Variants in SETBP1 observed in about 807,000 individuals in gnomAD.
SETBP1 encodes the protein SET binding protein 1, also known as SET-binding protein.
A neutral mutation model predicts 101.0 loss-of-function variants in SETBP1; 9 were observed. That is an observed-to-expected ratio of 0.09 (90% CI 0.05 to 0.16). The LOEUF is 0.16. Among genes scored for constraint, SETBP1 ranks in the 10% least tolerant of loss-of-function variants. The probability of loss-of-function intolerance (pLI) is 1.00; values close to 1 mark genes in which losing one functional copy is unlikely to be tolerated. For missense variants in SETBP1, 1,858 were observed against 2,033.8 expected (o/e 0.91, Z 1.66); for synonymous variants, 818 against 788.5 (o/e 1.04, Z -0.63).
intron 2 of SETBP1, among the ~76,000 whole-genome samples, chr18:44,829,319 G>A (rs1234069940): frequency 1.3e-5 from 2 of 152,140 alleles, no homozygotes; most frequent in African/African-American, 2.4e-5. Context: ...TTGCATTGAC[G>A]CCTGTGAATA....
At chr18:44,853,319 A>G (rs555461446) in intron 2 of SETBP1, among the ~76,000 whole-genome samples, 1 of 152,236 alleles carries the variant, frequency 6.6e-6, no homozygotes, top group South Asian at 2.1e-4. Flanking sequence ...AACACCAACA[A>G]TTTCATCTGT....
At chr18:44,764,189 C>A (rs865873581) in intron 2 of SETBP1, among the ~76,000 whole-genome samples, 8 of 152,344 alleles carry the variant, frequency 5.3e-5, no homozygotes, top group South Asian at 2.1e-4. Flanking sequence ...AGCTGTTGGC[C>A]TTGTTTCACT....
At chr18:45,045,769 T>C (rs2073599728) in intron 5 of SETBP1, among the ~76,000 whole-genome samples, 1 of 152,094 alleles carries the variant, frequency 6.6e-6, no homozygotes, top group Admixed American at 6.5e-5. Context: ...TGGTGAATAA[T>C]AATGGAGATA....
chr18:44,930,142 T>C (rs2070795476), intron 3 of SETBP1, among the ~76,000 whole-genome samples: 1 of 152,248 alleles, frequency 6.6e-6, no homozygotes, highest in Admixed American at 6.5e-5. Context: ...GTTTTTAGCA[T>C]GAAGCGCTGT....
At chr18:44,792,222 T>C (rs775978654) in intron 2 of SETBP1, among the ~76,000 whole-genome samples, 3 of 152,144 alleles carry the variant, frequency 2.0e-5, no homozygotes, top group Non-Finnish European at 4.4e-5. Context: ...TCCACTACAA[T>C]ACGCAAATAC....
At chr18:45,031,327 G>C (rs571326137) in intron 4 of SETBP1, among the ~76,000 whole-genome samples, 61 of 152,162 alleles carry the variant, frequency 4.0e-4, no homozygotes, top group Non-Finnish European at 7.5e-4. Flanking sequence ...ATATTCACAG[G>C]TTCTAGGAAT....
At chr18:45,017,620 T>G (rs1394558792) in intron 4 of SETBP1, among the ~76,000 whole-genome samples, 2 of 152,244 alleles carry the variant, frequency 1.3e-5, no homozygotes, top group Non-Finnish European at 2.9e-5. Flanking sequence ...TTTTGGCAAG[T>G]GCTGCCTCGT....
chr18:44,803,153 C>T (rs1427357208), intron 2 of SETBP1, among the ~76,000 whole-genome samples: 2 of 151,968 alleles, frequency 1.3e-5, no homozygotes, highest in Non-Finnish European at 2.9e-5. Flanking sequence ...CCTTAGGAAC[C>T]GAGAGTAATG....
intron 3 of SETBP1, among the ~76,000 whole-genome samples, chr18:44,902,573 T>C (rs2144838224): frequency 1.3e-5 from 2 of 152,222 alleles, no homozygotes; most frequent in Middle Eastern, 6.8e-3. Context: ...ACTATGAAAA[T>C]GTAAAAAGAT....
At chr18:45,049,389 G>A (rs376201972) in intron 5 of SETBP1, among the ~76,000 whole-genome samples, 10 of 152,186 alleles carry the variant, frequency 6.6e-5, no homozygotes, top group African/African-American at 1.7e-4. Flanking sequence ...GGCAATGATA[G>A]CAAAATGACA....
At chr18:44,761,233 C>A (rs1354086703) in intron 2 of SETBP1, among the ~76,000 whole-genome samples, 1 of 151,784 alleles carries the variant, frequency 6.6e-6, no homozygotes, top group Non-Finnish European at 1.5e-5. Flanking sequence ...AGGTAATTAC[C>A]ATATACATTA....
intron 4 of SETBP1, among the ~76,000 whole-genome samples, chr18:44,956,593 G>A (rs1009435077): frequency 6.6e-6 from 1 of 152,066 alleles, no homozygotes; most frequent in African/African-American, 2.4e-5. Context: ...TATTTCACAT[G>A]AGCTATTCTT....
intron 2 of SETBP1, chr18:44,732,496 C>T (rs1052875002): frequency 6.6e-6 from 1 of 152,218 alleles, no homozygotes; most frequent in Non-Finnish European, 1.5e-5. Flanking sequence ...TGCTATTTCT[C>T]ACCCTTGCAA....
intron 2 of SETBP1, among the ~76,000 whole-genome samples, chr18:44,833,136 A>G (rs895946462): frequency 2.6e-5 from 4 of 152,238 alleles, no homozygotes; most frequent in Admixed American, 6.5e-5. Flanking sequence ...GCTAGCACTT[A>G]TGTATCACCA....
chr18:44,772,586 TC>T (rs2070897470), intron 2 of SETBP1, among the ~76,000 whole-genome samples: 1 of 152,166 alleles, frequency 6.6e-6, no homozygotes, highest in Non-Finnish European at 1.5e-5. Flanking sequence ...ATTCCACTCT[TC>T]AGCAGAGTGA....
At chr18:44,935,048 C>T (rs1307475350) in intron 3 of SETBP1, among the ~76,000 whole-genome samples, 1 of 152,120 alleles carries the variant, frequency 6.6e-6, no homozygotes, top group East Asian at 1.9e-4. Flanking sequence ...GTTCTTGCAG[C>T]ACTACAGGGA....
intron 2 of SETBP1, among the ~76,000 whole-genome samples, chr18:44,785,337 G>T (rs2071217130): frequency 6.6e-6 from 1 of 152,150 alleles, no homozygotes; most frequent in African/African-American, 2.4e-5. Context: ...CCCAGAAGTT[G>T]CATTGCAGGT....
chr18:45,060,248 G>A (rs2073870435), intron 5 of SETBP1, among the ~76,000 whole-genome samples: 1 of 152,090 alleles, frequency 6.6e-6, no homozygotes, highest in Admixed American at 6.5e-5. Context: ...GAGTAAAGCA[G>A]GCAAGCTTGA....
intron 2 of SETBP1, among the ~76,000 whole-genome samples, chr18:44,807,350 T>C (rs2144809932): frequency 6.6e-6 from 1 of 152,276 alleles, no homozygotes; most frequent in Non-Finnish European, 1.5e-5. Flanking sequence ...GTAAGTACTC[T>C]ATCAGTAAGC....
Sources: gnomAD v4.1 joint callset for allele counts (sites outside exome capture counted in the v4.1 genomes callset) on GRCh38, gnomAD v4.1.1 for gene constraint, MANE v1.5 for transcripts, NCBI Gene and HGNC (gene_info 2026-07-23, HGNC 2026-07-21) for gene names.